Variants in MYT1L observed in about 807,000 individuals in gnomAD.
MYT1L encodes the protein myelin transcription factor 1-like protein.
MYT1L carries 12 observed loss-of-function variants against 126.7 expected under a neutral mutation model. The observed-to-expected ratio is 0.09, with a 90% CI of 0.06 to 0.15. MYT1L has a LOEUF of 0.15. Among genes scored for constraint, MYT1L ranks in the 10% least tolerant of loss-of-function variants. The probability of loss-of-function intolerance (pLI) is 1.00; values close to 1 mark genes in which losing one functional copy is unlikely to be tolerated. For synonymous variants in MYT1L, 541 were observed against 604.2 expected, an observed-to-expected ratio of 0.90 and a Z score of 1.53; for missense variants, 979 against 1,585.2, an observed-to-expected ratio of 0.62 and a Z score of 6.49.
At chr2:1,956,507 T>TTCTATCTATCTATCTA (rs201077164) in intron 8 of MYT1L, among the ~76,000 whole-genome samples, 24 of 111,870 alleles carry the variant, frequency 2.1e-4, no homozygotes, top group East Asian at 9.0e-4. Context: ...ATATTTCCTA[T>TTCTATCTATCTATCTA]TCTATCTATC....
chr2:2,244,312 C>T (rs895164797), intron 2 of MYT1L, among the ~76,000 whole-genome samples: 9 of 152,220 alleles, frequency 5.9e-5, no homozygotes, highest in African/African-American at 1.9e-4. Context: ...CAAAATTAAA[C>T]AGTAAACTTT....
At chr2:2,233,366 G>T (rs1354970045) in intron 2 of MYT1L, among the ~76,000 whole-genome samples, 1 of 152,176 alleles carries the variant, frequency 6.6e-6, no homozygotes, top group African/African-American at 2.4e-5. Flanking sequence ...TCTCATCTCA[G>T]TCCTGGAGAC....
At chr2:2,304,453 TA>T (rs1160788876) in intron 1 of MYT1L, among the ~76,000 whole-genome samples, 1 of 152,238 alleles carries the variant, frequency 6.6e-6, no homozygotes, top group Non-Finnish European at 1.5e-5. Flanking sequence ...AACCTCTCTC[TA>T]TAGTCCACAC....
intron 9 of MYT1L, among the ~76,000 whole-genome samples, chr2:1,932,381 G>A (rs925566865): frequency 1.3e-5 from 2 of 152,162 alleles, no homozygotes; most frequent in Non-Finnish European, 2.9e-5. Context: ...GAAATGTAAT[G>A]ATCACAATTT....
At chr2:1,914,123 A>G (rs1405325743) in intron 11 of MYT1L, among the ~76,000 whole-genome samples, 5 of 151,986 alleles carry the variant, frequency 3.3e-5, no homozygotes, top group Admixed American at 2.0e-4. Context: ...CCGTGGTGGC[A>G]TGCACCTGTA....
intron 8 of MYT1L, among the ~76,000 whole-genome samples, chr2:1,948,021 C>A (rs893631475): frequency 2.6e-5 from 4 of 152,188 alleles, no homozygotes; most frequent in Admixed American, 2.0e-4. Flanking sequence ...GTTTACCTAT[C>A]GATGTGATAG....
intron 8 of MYT1L, among the ~76,000 whole-genome samples, chr2:1,945,914 GAAAC>G (rs1478676432): frequency 6.6e-6 from 1 of 152,194 alleles, no homozygotes; most frequent in East Asian, 1.9e-4. Context: ...AAAGGGAAGA[GAAAC>G]AATTTTATGT....
chr2:2,110,400 C>T (rs1215651624), intron 3 of MYT1L, among the ~76,000 whole-genome samples: 1 of 150,922 alleles, frequency 6.6e-6, no homozygotes, highest in Non-Finnish European at 1.5e-5. Context: ...GCCCACTTCC[C>T]TCCTCATATT....
chr2:2,101,737 C>T (rs1233067468), intron 3 of MYT1L, among the ~76,000 whole-genome samples: 1 of 152,170 alleles, frequency 6.6e-6, no homozygotes, highest in Non-Finnish European at 1.5e-5. Context: ...TCCACTCACC[C>T]ATCCATCCAC....
At chr2:2,070,361 G>A (rs934023655) in intron 3 of MYT1L, among the ~76,000 whole-genome samples, 2 of 152,122 alleles carry the variant, frequency 1.3e-5, no homozygotes, top group Admixed American at 6.6e-5. Context: ...CTCACCCCAC[G>A]TGGAGGCTCT....
At chr2:2,076,255 G>A (rs1204584959) in intron 3 of MYT1L, among the ~76,000 whole-genome samples, 1 of 152,148 alleles carries the variant, frequency 6.6e-6, no homozygotes, top group Non-Finnish European at 1.5e-5. Flanking sequence ...GTCCAGGAAA[G>A]ACAGGAAAAG....
chr2:2,236,346 G>C (rs1490113831), intron 2 of MYT1L, among the ~76,000 whole-genome samples: 1 of 132,690 alleles, frequency 7.5e-6, no homozygotes, highest in Non-Finnish European at 1.6e-5. Flanking sequence ...ACCCAACCCA[G>C]TACATCCCAA....
At chr2:1,804,983 G>A (rs1368924105) in intron 22 of MYT1L, among the ~76,000 whole-genome samples, 1 of 152,132 alleles carries the variant, frequency 6.6e-6, no homozygotes, top group Non-Finnish European at 1.5e-5. Flanking sequence ...AGCCACTGAT[G>A]GTACAACTTC....
At chr2:1,824,958 G>A (rs1046595923) in intron 21 of MYT1L, 2 of 152,354 alleles carry the variant, frequency 1.3e-5, no homozygotes, top group African/African-American at 4.8e-5. Flanking sequence ...TTGGAAGGAT[G>A]CATCCCCATC....
At position 1,929,498 on chromosome 2, in the gene MYT1L, G is replaced by A. The variant is rs2054668493; in HGVS notation, c.506-6235C>T. Reference sequence around the variant, plus strand: ...GCCAGGCCGCACTGTCCCTGGCTCCGCTCTAGCCATCACCGTCACGCTTCC... The same window carrying A: ...GCCAGGCCGCACTGTCCCTGGCTCCACTCTAGCCATCACCGTCACGCTTCC... On this transcript the variant is annotated intron_variant, in intron 9 of 24. Transcript: ENST00000647738. The surrounding 1 kb of genome is among the most constrained non-coding windows in gnomAD (Gnocchi z 4.7). Among the ~76,000 whole-genome samples, 1 of 152,200 alleles carries A rather than the reference G, an allele frequency of 6.6e-6. No homozygotes were observed.
chr2:2,270,366 C>T (rs2095238719), intron 2 of MYT1L, among the ~76,000 whole-genome samples: 1 of 152,218 alleles, frequency 6.6e-6, no homozygotes, highest in Non-Finnish European at 1.5e-5. Context: ...TGCCTCATCA[C>T]ATTCCTTTAG....
chr2:2,074,846 C>A (rs980212219), intron 3 of MYT1L, among the ~76,000 whole-genome samples: 4 of 152,180 alleles, frequency 2.6e-5, no homozygotes, highest in Admixed American at 6.5e-5. Flanking sequence ...ATTTGGAGAC[C>A]TGAGCCCTGA....
intron 3 of MYT1L, among the ~76,000 whole-genome samples, chr2:2,107,229 C>T (rs1041859297): frequency 6.6e-6 from 1 of 152,176 alleles, no homozygotes; most frequent in African/African-American, 2.4e-5. Context: ...ACCATGAAGC[C>T]CTGCCGGTGA....
chr2:1,981,156 T>C (rs1052355331), intron 5 of MYT1L, among the ~76,000 whole-genome samples: 4 of 152,198 alleles, frequency 2.6e-5, no homozygotes, highest in African/African-American at 7.2e-5. Context: ...CAGTGCCTGA[T>C]TTAATGTTTA....
Sources: gnomAD v4.1 joint callset for allele counts (sites outside exome capture counted in the v4.1 genomes callset) on GRCh38, gnomAD v4.1.1 for gene constraint, Gnocchi (gnomAD v3.1) non-coding constraint, MANE v1.5 for transcripts, NCBI Gene and HGNC (gene_info 2026-07-23, HGNC 2026-07-21) for gene names.